Variants in CNTN4 observed in about 807,000 individuals in gnomAD.
CNTN4 encodes contactin-4.
In CNTN4, 77 loss-of-function variants were observed where a neutral mutation model predicts 122.5. The ratio of observed to expected loss-of-function variants is 0.63; its 90% CI spans 0.52 to 0.76. The LOEUF is 0.76. Among genes scored for constraint, CNTN4 ranks in the 30% least tolerant of loss-of-function variants. CNTN4 has a pLI of 0.00. For synonymous variants in CNTN4, 512 were observed against 447.0 expected (o/e 1.15, Z -1.83); for missense variants, 1,256 against 1,259.1 (o/e 1.00, Z 0.04).
intron 14 of CNTN4, among the ~76,000 whole-genome samples, chr3:2,992,062 G>C (rs1223730068): frequency 6.6e-6 from 1 of 152,168 alleles, no homozygotes; most frequent in African/African-American, 2.4e-5. Context: ...ATGTTTCGGA[G>C]AGAGGCTGAA....
chr3:2,568,585 C>T (rs561769998), intron 3 of CNTN4, among the ~76,000 whole-genome samples: 1 of 152,138 alleles, frequency 6.6e-6, no homozygotes, highest in Non-Finnish European at 1.5e-5. Context: ...AGCTTTCTTT[C>T]TGACTCTGAC....
intron 13 of CNTN4, among the ~76,000 whole-genome samples, chr3:2,956,811 C>T (rs761417095): frequency 6.6e-6 from 1 of 152,170 alleles, no homozygotes; most frequent in Non-Finnish European, 1.5e-5. Flanking sequence ...ACCTCCAGAG[C>T]CCCTAGCAAC....
chr3:2,370,403 A>G (rs2045587636), intron 3 of CNTN4, among the ~76,000 whole-genome samples: 1 of 152,198 alleles, frequency 6.6e-6, no homozygotes, highest in South Asian at 2.1e-4. Context: ...TGATTTACAA[A>G]AAAACTGGGT....
chr3:2,677,794 G>GAA (rs939473240), intron 4 of CNTN4, among the ~76,000 whole-genome samples: 1 of 147,434 alleles, frequency 6.8e-6, no homozygotes, highest in Admixed American at 6.8e-5. Context: ...GTGAATGTTA[G>GAA]AAAAAAAAAA....
chr3:2,273,044 C>T (rs2041364265), intron 2 of CNTN4, among the ~76,000 whole-genome samples: 1 of 152,222 alleles, frequency 6.6e-6, no homozygotes, highest in South Asian at 2.1e-4. Context: ...CTTAGATTAG[C>T]TAAGCTTAGA....
chr3:2,825,206 C>T (rs889948962), intron 7 of CNTN4, among the ~76,000 whole-genome samples: 3 of 151,818 alleles, frequency 2.0e-5, no homozygotes, highest in Non-Finnish European at 2.9e-5. Context: ...ACAGTGAGGC[C>T]GTCTCTAAAA....
rs111646862 is a variant in CNTN4 at position 2,955,239 on chromosome 3, C to T, written c.1358+29460C>T. On this transcript the variant is annotated intron_variant, in intron 13 of 24. Coordinates refer to ENST00000418658, the MANE Select transcript of CNTN4 (RefSeq NM_175607.3). ...TGAGCAAGATTAGATGCAAAATCAG[C>T]CATAAAAATAAACTATTTCCCAAGA... Among the ~76,000 whole-genome samples, 480 of 152,206 alleles carry T rather than the reference C, an allele frequency of 3.2e-3. 4 individuals carry two copies. The highest frequency in any genetic ancestry group is 0.01 in the African/African-American group (418 of 41,524).
At chr3:2,362,302 G>T (rs2045185379) in intron 3 of CNTN4, 1 of 213,220 alleles carries the variant, frequency 4.7e-6, no homozygotes, top group Non-Finnish European at 9.5e-6. Flanking sequence ...GCCCTCTGCA[G>T]AGCCATGGCG....
chr3:2,590,905 T>C (rs2149656482), intron 4 of CNTN4, among the ~76,000 whole-genome samples: 1 of 152,252 alleles, frequency 6.6e-6, no homozygotes, highest in South Asian at 2.1e-4. Flanking sequence ...ATAATTGACA[T>C]GCAATAAACT....
At chr3:2,264,985 A>G (rs1030578098) in intron 2 of CNTN4, among the ~76,000 whole-genome samples, 11 of 151,968 alleles carry the variant, frequency 7.2e-5, no homozygotes, top group South Asian at 2.1e-4. Flanking sequence ...AATATGTCCA[A>G]TGTGTAATCT....
intron 3 of CNTN4, among the ~76,000 whole-genome samples, chr3:2,554,426 T>A (rs2078637561): frequency 6.6e-6 from 1 of 152,080 alleles, no homozygotes; most frequent in Non-Finnish European, 1.5e-5. Flanking sequence ...CTTTCTCCAG[T>A]TTGTGGGTCA....
At chr3:2,428,723 AT>A (rs2047942137) in intron 3 of CNTN4, among the ~76,000 whole-genome samples, 2 of 152,196 alleles carry the variant, frequency 1.3e-5, no homozygotes, top group African/African-American at 4.8e-5. Flanking sequence ...TCAGACGTGG[AT>A]TTGGTCTTTT....
chr3:2,165,862 A>AT (rs1431923620), intron 2 of CNTN4, among the ~76,000 whole-genome samples: 2 of 151,936 alleles, frequency 1.3e-5, no homozygotes, highest in Non-Finnish European at 2.9e-5. Flanking sequence ...AACTGGCAGA[A>AT]TTTTTTTTAA....
intron 4 of CNTN4, among the ~76,000 whole-genome samples, chr3:2,619,235 T>G (rs1332786688): frequency 1.3e-5 from 2 of 152,226 alleles, no homozygotes; most frequent in African/African-American, 4.8e-5. Flanking sequence ...GAAAATATCA[T>G]GATTCCCAAA....
At chr3:2,905,788 G>C (rs1336337118) in intron 12 of CNTN4, among the ~76,000 whole-genome samples, 2 of 152,210 alleles carry the variant, frequency 1.3e-5, no homozygotes, top group Non-Finnish European at 2.9e-5. Context: ...GGCTGGGCTG[G>C]AAAGCTAAGC....
At chr3:2,984,932 A>G (rs1694408007) in intron 13 of CNTN4, among the ~76,000 whole-genome samples, 1 of 152,190 alleles carries the variant, frequency 6.6e-6, no homozygotes, top group African/African-American at 2.4e-5. Context: ...ACTCCTTTAA[A>G]GCTATTTTTG....
chr3:2,904,716 T>C (rs933597946), intron 12 of CNTN4, among the ~76,000 whole-genome samples: 1 of 152,236 alleles, frequency 6.6e-6, no homozygotes, highest in African/African-American at 2.4e-5. Flanking sequence ...CAGTTCACCA[T>C]GGCAGGATTG....
intron 7 of CNTN4, among the ~76,000 whole-genome samples, chr3:2,829,870 A>G (rs1007464737): frequency 3.3e-5 from 5 of 152,204 alleles, no homozygotes; most frequent in African/African-American, 1.2e-4. Flanking sequence ...CCCTAGGAGT[A>G]GTAGCTACAT....
chr3:2,918,669 TTTG>T (rs1255189218), intron 12 of CNTN4, among the ~76,000 whole-genome samples: 1 of 152,250 alleles, frequency 6.6e-6, no homozygotes, highest in African/African-American at 2.4e-5. Flanking sequence ...ATTTTATTGT[TTTG>T]TTTTATTTAG....
Sources: allele counts gnomAD v4.1 joint callset (sites outside exome capture counted in the v4.1 genomes callset), GRCh38; gene constraint gnomAD v4.1.1; transcripts MANE v1.5; gene names NCBI Gene and HGNC (gene_info 2026-07-23, HGNC 2026-07-21).